The following MYLK variants were observed in gnomAD, a reference collection of about 807,000 sequenced individuals.
MYLK encodes myosin light chain kinase, smooth muscle.
A neutral mutation model predicts 203.4 loss-of-function variants in MYLK; 106 were observed. The ratio of observed to expected loss-of-function variants is 0.52; its 90% CI spans 0.45 to 0.61. The LOEUF (loss-of-function observed/expected upper bound fraction) is 0.61, where lower values mean the gene tolerates loss of function less well. Among genes scored for constraint, MYLK ranks in the 20% least tolerant of loss-of-function variants. The pLI, the probability that MYLK is intolerant of heterozygous loss-of-function variation, is 0.00. For synonymous variants in MYLK, 867 were observed against 959.5 expected (o/e 0.90, Z 1.78); for missense variants, 2,072 against 2,442.3 (o/e 0.85, Z 3.20).
At position 123,655,611 on chromosome 3, in the gene MYLK, A is replaced by C. The variant is rs556724492; in HGVS notation, c.4288+1515T>G. 3.1e-4 allele frequency among the ~76,000 whole-genome samples: 47 copies of C among 152,286 alleles called. No individual in the cohort carries two copies. In the South Asian group the frequency reaches 4.6e-3, roughly 15 times the overall value. On this transcript the variant is annotated intron_variant, in intron 24 of 33. Coordinates refer to ENST00000360304, the MANE Select transcript of MYLK (RefSeq NM_053025.4). ...CTGTTATGTAACCTCCAAGTTACTC[A>C]AGTCAGGAACCTGGAAGACAGCCTG...
Position 123,614,001 on chromosome 3 carries a change from TCACA to T in MYLK, c.*100_*103del. 1 of 1,408,114 alleles carries T rather than the reference TCACA, an allele frequency of 7.1e-7. No homozygotes were observed. The highest frequency in any genetic ancestry group is 9.8e-7 in the Non-Finnish European group (1 of 1,017,572). 87.2% of individuals were successfully genotyped at this position (1,408,114 alleles called of 1,614,324 possible). On this transcript the variant is annotated 3_prime_UTR_variant, in exon 34 of 34. Transcript: ENST00000360304. The stretch of plus-strand genomic sequence containing the variant: ...CACAAATGACCTAACCGATAATCTA[TCACA>T]CTAGGTGCTTTTACTATCTTGAGTT...
chr3:123,850,264 T>C (rs1285825788), intron 2 of MYLK, among the ~76,000 whole-genome samples: 2 of 152,206 alleles, frequency 1.3e-5, no homozygotes, highest in East Asian at 1.9e-4. Flanking sequence ...TACCGAGTAA[T>C]GGGATGGCTG....
intron 2 of MYLK, among the ~76,000 whole-genome samples, chr3:123,862,425 C>G (rs1268173362): frequency 6.6e-6 from 1 of 152,172 alleles, no homozygotes; most frequent in Admixed American, 6.5e-5. Flanking sequence ...TTGGTGTTAT[C>G]TCTGTTTTAC....
At chr3:123,718,466 C>G (rs2061979849) in intron 13 of MYLK, among the ~76,000 whole-genome samples, 1 of 152,198 alleles carries the variant, frequency 6.6e-6, no homozygotes, top group Admixed American at 6.5e-5. Flanking sequence ...CTCCAGAGGC[C>G]TGGAATGGTG....
In MYLK at chr3:123,629,335, C is replaced by T; in HGVS notation, c.5114+139G>A. On this transcript the variant is annotated intron_variant, in intron 30 of 33. Coordinates refer to ENST00000360304, the MANE Select transcript of MYLK (RefSeq NM_053025.4). This position sits in a 1 kb window ranked among gnomAD's most constrained non-coding sequence, Gnocchi z 4.4. ...ATTCGGGTCTCTTACCATGCCCACC[C>T]TCCCTTCCTCAGGGAATGCTAGGAA... 2 of 1,053,960 alleles carry T rather than the reference C, an allele frequency of 1.9e-6. No individual in the cohort carries two copies. The highest frequency in any genetic ancestry group is 1.4e-6 in the Non-Finnish European group (1 of 712,940). 65.3% of individuals were successfully genotyped at this position (1,053,960 alleles called of 1,614,324 possible).
chr3:123,656,459 C>G (rs1487799273), intron 24 of MYLK, among the ~76,000 whole-genome samples: 3 of 152,228 alleles, frequency 2.0e-5, no homozygotes, highest in Non-Finnish European at 4.4e-5. Flanking sequence ...ACACGAGCAT[C>G]TGAAAATGTC....
intron 5 of MYLK, among the ~76,000 whole-genome samples, chr3:123,748,983 T>C (rs2063107556): frequency 6.6e-6 from 1 of 151,132 alleles, no homozygotes; most frequent in African/African-American, 2.4e-5. Flanking sequence ...GCAGAAGAAT[T>C]GTTTGAACCC....
chr3:123,840,882 T>C (rs2682239), intron 2 of MYLK, among the ~76,000 whole-genome samples: 126,955 of 151,974 alleles, frequency 0.84, 53,196 homozygotes, highest in East Asian at 0.95. Context: ...ACTGCTTTAG[T>C]CTGAATGCAA....
intron 3 of MYLK, among the ~76,000 whole-genome samples, chr3:123,815,201 T>C (rs1024304027): frequency 6.6e-6 from 1 of 152,224 alleles, no homozygotes; most frequent in Non-Finnish European, 1.5e-5. Flanking sequence ...ATCCAGGTCC[T>C]CTTGATTCCT....
At chr3:123,784,879 A>G (rs2064450882) in intron 4 of MYLK, among the ~76,000 whole-genome samples, 1 of 152,218 alleles carries the variant, frequency 6.6e-6, no homozygotes, top group Non-Finnish European at 1.5e-5. Context: ...CAGGCTTCAC[A>G]TAGAGGACTT....
rs192386297 is a variant in MYLK at position 123,810,605 on chromosome 3, G to A, written c.-3-16761C>T. On this transcript the variant is annotated intron_variant, in intron 3 of 33. Transcript: ENST00000360304. ...GATGCCAGTCATGTCTCTTCTAGAT[G>A]AACAATCCCCCCAACAGGCTCAGGA... Among the ~76,000 whole-genome samples, 15 of 152,324 alleles carry A rather than the reference G, an allele frequency of 9.8e-5. No homozygotes were observed. In the East Asian group the frequency reaches 2.3e-3, roughly 24 times the overall value.
chr3:123,799,262 A>G (rs1287376735), intron 3 of MYLK, among the ~76,000 whole-genome samples: 1 of 152,126 alleles, frequency 6.6e-6, no homozygotes, highest in Non-Finnish European at 1.5e-5. Context: ...TAATTTATTA[A>G]CTATTTGAAG....
intron 13 of MYLK, 46 bp downstream of exon 13, chr3:123,722,082 T>A: frequency 6.4e-7 from 1 of 1,551,328 alleles, no homozygotes; most frequent in South Asian, 1.2e-5. Flanking sequence ...AAAGCAGAAG[T>A]GCCTGCAGGA....
chr3:123,725,813 G>T, intron 12 of MYLK, 131 bp downstream of exon 12: 1 of 1,370,602 alleles, frequency 7.3e-7, no homozygotes, highest in Non-Finnish European at 1.0e-6. Flanking sequence ...TGCTCTCTTT[G>T]TGCCCTGTGC....
chr3:123,738,255 C>T (rs2062745791), intron 7 of MYLK, among the ~76,000 whole-genome samples: 1 of 152,186 alleles, frequency 6.6e-6, no homozygotes, highest in Non-Finnish European at 1.5e-5. Context: ...ACCCTAACTT[C>T]ACAGTCCACT....
chr3:123,647,986 G>A (rs1339368056), intron 26 of MYLK, among the ~76,000 whole-genome samples: 2 of 152,108 alleles, frequency 1.3e-5, no homozygotes, highest in Non-Finnish European at 2.9e-5. Context: ...CTGAGCAGTT[G>A]CCTTCCTTCC....
At chr3:123,699,953 C>G (rs909316727) in intron 18 of MYLK, 67 bp downstream of exon 18, 6 of 1,607,794 alleles carry the variant, frequency 3.7e-6, no homozygotes, top group Middle Eastern at 1.7e-4. Flanking sequence ...GCGAGACCAA[C>G]GCTCCATGAG....
chr3:123,696,804 T>G (rs1177383085), intron 18 of MYLK, among the ~76,000 whole-genome samples: 2 of 152,258 alleles, frequency 1.3e-5, no homozygotes, highest in Admixed American at 6.5e-5. Context: ...CTGAGCTTCA[T>G]GTACAGTGTT....
At chr3:123,880,112 T>C (rs2033432758) in intron 1 of MYLK, among the ~76,000 whole-genome samples, 1 of 152,250 alleles carries the variant, frequency 6.6e-6, no homozygotes, top group East Asian at 1.9e-4. Context: ...TTTATATTCC[T>C]ATATTCATTT....
Sources: allele counts gnomAD v4.1 joint callset (sites outside exome capture counted in the v4.1 genomes callset), GRCh38; gene constraint gnomAD v4.1.1; non-coding constraint Gnocchi (gnomAD v3.1); transcripts MANE v1.5; gene names NCBI Gene and HGNC (gene_info 2026-07-23, HGNC 2026-07-21).